The following RBL2 variants were observed in gnomAD, a reference collection of about 807,000 sequenced individuals.
The protein encoded by RBL2 is retinoblastoma-like protein 2.
In RBL2, 56 loss-of-function variants were observed where a neutral mutation model predicts 126.0. The observed-to-expected ratio is 0.44, with a 90% confidence interval of 0.36 to 0.56. The LOEUF is 0.56. Ranked by LOEUF, RBL2 falls within the 20% of genes least tolerant of loss-of-function variation. The pLI, the probability that RBL2 is intolerant of heterozygous loss-of-function variation, is 0.00. For synonymous variants in RBL2, 454 were observed against 478.5 expected (o/e 0.95, Z 0.67); for missense variants, 1,229 against 1,398.2 (o/e 0.88, Z 1.93).
chr16:53,439,078 T>C lies in RBL2; in HGVS notation c.303T>C (p.Thr101=). The C allele has an allele frequency of 6.2e-7, 1 of 1,609,306 alleles. No individual in the cohort carries two copies. Among genetic ancestry groups the C allele is most frequent in the Non-Finnish European group, 8.5e-7 (1 of 1,177,656 alleles). ...TGGCTTGCAGAAAATCTGTTCCAAC[T>C]GTAAGCAAAGGGACAGTGGAAGGAA... ...LYVACRKSVP[T]VSKGTVEGNY... The change falls in exon 2 of 22, where the codon ACT becomes ACC. Residue 101 remains threonine (T), a synonymous_variant. Transcript: ENST00000262133.
At chr16:53,473,346 ATCT>A (rs987570983) in intron 17 of RBL2, among the ~76,000 whole-genome samples, 1 of 146,106 alleles carries the variant, frequency 6.8e-6, no homozygotes, top group African/African-American at 2.5e-5. Context: ...ATTTATTTAG[ATCT>A]TCTGTTTTTT....
At chr16:53,479,583 C>A (rs1960863110) in intron 18 of RBL2, 6 of 451,142 alleles carry the variant, frequency 1.3e-5, no homozygotes, top group Admixed American at 4.0e-5. Flanking sequence ...GCCTTTATTA[C>A]CATTCATCTC....
intron 3 of RBL2, among the ~76,000 whole-genome samples, chr16:53,444,784 GTTTCAGTGAGCTGC>G (rs1208575905): frequency 1.3e-5 from 2 of 151,924 alleles, no homozygotes; most frequent in African/African-American, 4.8e-5. Context: ...GGAGTCGGAG[GTTTCAGTGAGCTGC>G]GATCGCGCCA....
intron 4 of RBL2, chr16:53,449,018 A>G (rs1176460250): frequency 6.6e-6 from 1 of 152,200 alleles, no homozygotes; most frequent in Non-Finnish European, 1.5e-5. Flanking sequence ...GCTTGATTCA[A>G]GAGAAAAATC....
At chr16:53,471,370 T>C (rs1185955213) in intron 17 of RBL2, among the ~76,000 whole-genome samples, 1 of 152,242 alleles carries the variant, frequency 6.6e-6, no homozygotes, top group East Asian at 1.9e-4. Context: ...AGCAGTATAA[T>C]AAAGATTTTA....
chr16:53,449,825 AAGTC>A (rs1262740506), intron 4 of RBL2, among the ~76,000 whole-genome samples: 1 of 152,116 alleles, frequency 6.6e-6, no homozygotes, highest in Non-Finnish European at 1.5e-5. Context: ...ATACCTCACA[AAGTC>A]AGATTTATTT....
chr16:53,483,013 T>G (rs1961017109), intron 21 of RBL2, among the ~76,000 whole-genome samples: 5 of 152,154 alleles, frequency 3.3e-5, no homozygotes, highest in African/African-American at 9.7e-5. Context: ...AAAATTTGAA[T>G]GTGGCCTTCA....
intron 17 of RBL2, among the ~76,000 whole-genome samples, chr16:53,477,710 A>T (rs1960784701): frequency 6.6e-6 from 1 of 152,152 alleles, no homozygotes; most frequent in Non-Finnish European, 1.5e-5. Flanking sequence ...TCCTTTGCTC[A>T]ATATGGCTTT....
chr16:53,443,340 G>C (rs1024506445), intron 3 of RBL2: 5 of 152,296 alleles, frequency 3.3e-5, no homozygotes, highest in Admixed American at 3.3e-4. Flanking sequence ...CACTGCCCTA[G>C]ATATAGATCA....
intron 4 of RBL2, chr16:53,449,403 C>G (rs2058092066): frequency 6.6e-6 from 1 of 151,684 alleles, no homozygotes; most frequent in Non-Finnish European, 1.5e-5. Flanking sequence ...TGACTTTTAT[C>G]TCATTAATTC....
Position 53,490,480 on chromosome 16 carries a change from T to C in RBL2, c.*180T>C, listed in dbSNP as rs1396679457. Reference sequence around the variant, plus strand: ...TTCCAGTGTCCTTAGAACATTTTAATTCATCCCAACTGTCTTTTTTTCCCT... The same window carrying C: ...TTCCAGTGTCCTTAGAACATTTTAACTCATCCCAACTGTCTTTTTTTCCCT... On this transcript the variant is annotated 3_prime_UTR_variant, in exon 22 of 22. Transcript: ENST00000262133. The C allele has an allele frequency of 6.8e-6, 3 of 443,204 alleles. No homozygotes were observed. The highest frequency in any genetic ancestry group is 1.2e-5 in the Non-Finnish European group (3 of 259,468). The allele number at this position is 443,204 out of a possible 1,614,324, so 27.5% of individuals were successfully genotyped here. A position where few individuals can be genotyped will look rare whatever the true frequency, so the allele number is the denominator to read the frequency against.
At chr16:53,450,069 CT>C (rs779752483) in intron 4 of RBL2, among the ~76,000 whole-genome samples, 1 of 148,550 alleles carries the variant, frequency 6.7e-6, no homozygotes, top group African/African-American at 2.5e-5. Flanking sequence ...TACTTACTTC[CT>C]TTTTTACACA....
intron 21 of RBL2, among the ~76,000 whole-genome samples, chr16:53,483,120 G>T (rs1342178752): frequency 6.6e-6 from 1 of 152,134 alleles, no homozygotes; most frequent in East Asian, 1.9e-4. Flanking sequence ...GTGTCCCAGT[G>T]TCTGCAGCTT....
chr16:53,456,904 A>G (rs568973158), intron 8 of RBL2, among the ~76,000 whole-genome samples: 1 of 151,944 alleles, frequency 6.6e-6, no homozygotes, highest in African/African-American at 2.4e-5. Context: ...CGTATTTATC[A>G]CTGTCTGACA....
intron 21 of RBL2, among the ~76,000 whole-genome samples, chr16:53,483,926 T>A (rs1458837670): frequency 1.3e-4 from 17 of 131,002 alleles, no homozygotes; most frequent in East Asian, 2.3e-4. Context: ...CCTATCATAG[T>A]AAAAAAAAAA....
Position 53,491,625 on chromosome 16 carries a change from T to C in RBL2, c.*1325T>C, listed in dbSNP as rs1961467788. 6.6e-6 allele frequency: 1 copy of C among 152,642 alleles called. No individual in the cohort carries two copies. The highest frequency in any genetic ancestry group is 2.4e-5 in the African/African-American group (1 of 41,456). The allele number at this position is 152,642 out of a possible 1,614,324, so 9.5% of individuals were successfully genotyped here. A position where few individuals can be genotyped will look rare whatever the true frequency, so the allele number is the denominator to read the frequency against. On this transcript the variant is annotated 3_prime_UTR_variant, in exon 22 of 22. Transcript: ENST00000262133. ...AATTTTATATGAAGATAAGTGTATTTTTCAATAAAGCATTTATAAATTAGC... is the reference window on the plus strand; with the variant it reads ...AATTTTATATGAAGATAAGTGTATTCTTCAATAAAGCATTTATAAATTAGC...
chr16:53,434,845 G>C (rs2057940500), intron 1 of RBL2, 49 bp downstream of exon 1: 2 of 1,438,308 alleles, frequency 1.4e-6, no homozygotes, highest in South Asian at 1.4e-5. Flanking sequence ...GCGTGAACCG[G>C]TGCCTTCCGA....
At chr16:53,459,781 A>G (rs1403914087) in intron 9 of RBL2, among the ~76,000 whole-genome samples, 164 bp downstream of exon 9, 1 of 152,212 alleles carries the variant, frequency 6.6e-6, no homozygotes, top group Non-Finnish European at 1.5e-5. Context: ...AAGATGTATA[A>G]GTGGAAGATC....
At chr16:53,447,650 T>C (rs572532522) in intron 4 of RBL2, among the ~76,000 whole-genome samples, 1 of 152,298 alleles carries the variant, frequency 6.6e-6, no homozygotes, top group South Asian at 2.1e-4. Flanking sequence ...TTTATTTATT[T>C]ATTTATTTAT....
Sources: gnomAD v4.1 joint callset for allele counts (sites outside exome capture counted in the v4.1 genomes callset) on GRCh38, gnomAD v4.1.1 for gene constraint, MANE v1.5 for transcripts, NCBI Gene and HGNC (gene_info 2026-07-23, HGNC 2026-07-21) for gene names.